VASH2: variants seen among roughly 807,000 people sequenced by gnomAD.
The protein encoded by VASH2 is vasohibin 2.
VASH2 carries 28 observed loss-of-function variants against 37.2 expected under a neutral mutation model. That is an observed-to-expected ratio of 0.75 (90% CI 0.56 to 1.03). VASH2 has a LOEUF of 1.03. VASH2 is among the 50% of genes least tolerant of loss of function. The pLI is 0.00. For synonymous variants in VASH2, 188 were observed against 174.7 expected (o/e 1.08, Z -0.60); for missense variants, 419 against 459.1 (o/e 0.91, Z 0.80).
At position 212,984,001 on chromosome 1, in the gene VASH2, G is replaced by C. The variant is rs541798350; in HGVS notation, c.996-4511G>C. 2.6e-5 allele frequency among the ~76,000 whole-genome samples: 4 copies of C among 152,292 alleles called. No homozygotes were observed. The East Asian group carries it at 7.7e-4, about 29-fold the overall frequency. On this transcript the variant is annotated intron_variant, in intron 7 of 7. Transcript: ENST00000517399. ...CTCCTCTATAAAATGGACAGTACCA[G>C]TATCAACCCCGTGGGTTATGGTGAG...
Position 212,991,249 on chromosome 1 carries a change from T to C in VASH2, c.*2665T>C, listed in dbSNP as rs1187731736. The C allele has an allele frequency of 6.6e-6, 1 of 152,236 alleles. No homozygotes were observed. The highest frequency in any genetic ancestry group is 1.5e-5 in the Non-Finnish European group (1 of 68,040). 9.4% of individuals were successfully genotyped at this position (152,236 alleles called of 1,614,324 possible). ...TTCATAAGGATTTTATTAATAGATA[T>C]TGGTAAATAGAACTTTGGAAATCTT... On this transcript the variant is annotated 3_prime_UTR_variant, in exon 8 of 8. Coordinates refer to ENST00000517399, the MANE Select transcript of VASH2 (RefSeq NM_001301056.2).
intron 2 of VASH2, among the ~76,000 whole-genome samples, chr1:212,954,586 A>AT (rs1427417473): frequency 1.3e-5 from 2 of 151,912 alleles, no homozygotes; most frequent in African/African-American, 4.8e-5. Context: ...ATGCCCAGCT[A>AT]TTTTTTGTAT....
chr1:212,961,082 G>A (rs1666660139), intron 2 of VASH2, 84 bp from the exon 3 acceptor site: 1 of 1,327,772 alleles, frequency 7.5e-7, no homozygotes, highest in Non-Finnish European at 1.1e-6. Context: ...TCTCTCTGGT[G>A]GCTTTAGCCC....
intron 7 of VASH2, among the ~76,000 whole-genome samples, chr1:212,987,621 T>C (rs1446654164): frequency 6.6e-6 from 1 of 152,206 alleles, no homozygotes; most frequent in Non-Finnish European, 1.5e-5. Context: ...ATGTGTAACC[T>C]AAACATGTCT....
At position 212,973,967 on chromosome 1, in the gene VASH2, G is replaced by C. The variant is rs1338221147; in HGVS notation, c.892G>C (p.Ala298Pro). ...RDMRMKILKP[A>P]SAHSPTQVRS... ...ACATCTCCTTCAGATCCTGAAACCT[G>C]CAAGTGCCCACTCTCCGACCCAAGT... is the stretch of plus-strand genomic sequence containing the variant. Residue 298 changes from alanine (A) to proline (P), a missense_variant, in exon 7 of 8, where the codon GCA becomes CCA. Around this residue, in one of 3 missense-constraint regions of VASH2, gnomAD observed 177 missense variants for 166.2 expected, o/e 1.06. Coordinates refer to ENST00000517399, the MANE Select transcript of VASH2 (RefSeq NM_001301056.2). 2.5e-6 allele frequency: 4 copies of C among 1,613,592 alleles called. No homozygotes were observed.
In VASH2 at chr1:212,972,685, T is replaced by C. The variant is rs367552838; in HGVS notation, c.603T>C (p.Asn201=). 1 of 1,614,114 alleles carries C rather than the reference T, an allele frequency of 6.2e-7. No homozygotes were observed. The highest frequency in any genetic ancestry group is 8.5e-7 in the Non-Finnish European group (1 of 1,180,052). Residue 201 remains asparagine (N), a synonymous_variant, in exon 6 of 8, where the codon AAT becomes AAC. Coordinates refer to ENST00000517399, the MANE Select transcript of VASH2 (RefSeq NM_001301056.2). Reference sequence around the variant, plus strand: ...ACGTTGTGCTGGGGATTTACTGCAATGGCCGCTATGGCTCATTGGGCATGA... The same window carrying C: ...ACGTTGTGCTGGGGATTTACTGCAACGGCCGCTATGGCTCATTGGGCATGA... ...FHHVVLGIYC[N]GRYGSLGMSR...
In VASH2 at chr1:212,954,763, A is replaced by G. The variant is rs374692327; in HGVS notation, c.276+2945A>G. Among the ~76,000 whole-genome samples, 8 of 152,190 alleles carry G rather than the reference A, an allele frequency of 5.3e-5. No homozygotes were observed. The East Asian group carries it at 9.6e-4, about 18-fold the overall frequency. ...GTGGCCACATCATATTGTACTTTTC[A>G]TAGTAACTAGAAGGTTACGCGAAAA... On this transcript the variant is annotated intron_variant, in intron 2 of 7. Coordinates refer to ENST00000517399, the MANE Select transcript of VASH2 (RefSeq NM_001301056.2).
Position 212,972,305 on chromosome 1 carries a change from T to TA in VASH2, c.498-274dup, listed in dbSNP as rs1303399020. The stretch of plus-strand genomic sequence containing the variant: ...AGGAGCAGAGGAAAAAGTGCCTTGT[T>TA]ATTGTTTTGTTTTGCATGTATGTAA... On this transcript the variant is annotated intron_variant, in intron 5 of 7. Coordinates refer to ENST00000517399, the MANE Select transcript of VASH2 (RefSeq NM_001301056.2). Among the ~76,000 whole-genome samples, 6 of 152,202 alleles carry TA rather than the reference T, an allele frequency of 3.9e-5. No individual in the cohort carries two copies. The East Asian group carries it at 1.2e-3, about 29-fold the overall frequency.
chr1:212,988,517 C>T lies in VASH2; in HGVS notation c.1001C>T (p.Ala334Val), dbSNP rs745819910. 6 of 1,614,086 alleles carry T rather than the reference C, an allele frequency of 3.7e-6. No individual in the cohort carries two copies. Among genetic ancestry groups the T allele is most frequent in the Non-Finnish European group, 4.2e-6 (5 of 1,179,990 alleles). ...TTTCTGTCTTTTACCCTTAGGCCTG[C>T]ACTGCCTGAAAAGAAGGTGGCTGAT... ...RRLGRREKSP[A>V]LPEKKVADLS... Residue 334 changes from alanine (A) to valine (V), a missense_variant, in exon 8 of 8, where the codon GCA (alanine) becomes GTA (valine). Ala to Val is a moderately conservative substitution (Grantham distance 64, BLOSUM62 0). Around this residue, in one of 3 missense-constraint regions of VASH2, gnomAD observed 177 missense variants for 166.2 expected, o/e 1.06. Coordinates refer to ENST00000517399, the MANE Select transcript of VASH2 (RefSeq NM_001301056.2).
rs573273182 is a variant in VASH2, at chr1:212,969,911, T to A, written c.498-2669T>A. Among the ~76,000 whole-genome samples the A allele has an allele frequency of 2.6e-5, 4 of 152,314 alleles. 1 individual carries two copies. Among genetic ancestry groups the A allele is most frequent in the Admixed American group, 6.5e-5 (1 of 15,300 alleles). ...TCTTTTTTTGACTTTGGCCCAGAGT[T>A]CAGGATTCATTAGTTCTGAGCCACT... On this transcript the variant is annotated intron_variant, in intron 5 of 7. Transcript: ENST00000517399.
chr1:212,987,266 T>G (rs1667506929), intron 7 of VASH2, among the ~76,000 whole-genome samples: 1 of 151,998 alleles, frequency 6.6e-6, no homozygotes, highest in Admixed American at 6.6e-5. Flanking sequence ...GTCTTTTTTT[T>G]TTTTTTTAAT....
At position 212,960,859 on chromosome 1, in the gene VASH2, G is replaced by T. The variant is rs555231533; in HGVS notation, c.277-307G>T. On this transcript the variant is annotated intron_variant, in intron 2 of 7. Transcript: ENST00000517399. ...GGGACATGATAGAACATAGTCCTTC[G>T]CATCAAGGAGGCATTAGCCTTCTGC... Among the ~76,000 whole-genome samples, 11 of 152,318 alleles carry T rather than the reference G, an allele frequency of 7.2e-5. No individual in the cohort carries two copies. The East Asian group carries it at 2.1e-3, about 29-fold the overall frequency.
At position 212,951,578 on chromosome 1, in the gene VASH2, C is replaced by T; in HGVS notation, c.36C>T (p.Pro12=). 1 of 1,542,538 alleles carries T rather than the reference C, an allele frequency of 6.5e-7. No homozygotes were observed. Among genetic ancestry groups the T allele is most frequent in the Non-Finnish European group, 8.7e-7 (1 of 1,143,966 alleles). Residue 12 remains proline, a synonymous_variant, in exon 2 of 8, where the codon CCC becomes CCT. Coordinates refer to ENST00000517399, the MANE Select transcript of VASH2 (RefSeq NM_001301056.2). This position sits in a 1 kb window ranked among gnomAD's most constrained non-coding sequence, Gnocchi z 4.4. The stretch of plus-strand genomic sequence containing the variant: ...CCGCGGCCGACACTCACCGCTGCCC[C>T]CACCCCAAAGGCGCCAAAGGCACCC... ...TGSAADTHRC[P]HPKGAKGTRS... is the part of the protein sequence containing the mutation.
intron 5 of VASH2, among the ~76,000 whole-genome samples, chr1:212,972,143 C>G (rs191244418): frequency 7.9e-5 from 12 of 152,278 alleles, no homozygotes; most frequent in African/African-American, 2.9e-4. Context: ...AAAGCCTTTA[C>G]CAATTGACTT....
intron 7 of VASH2, among the ~76,000 whole-genome samples, chr1:212,983,160 C>A (rs1337997594): frequency 1.3e-5 from 2 of 152,172 alleles, no homozygotes; most frequent in Non-Finnish European, 2.9e-5. Context: ...TTCCCTGGTC[C>A]CTCCTTTCAA....
rs57434622 is a variant in VASH2, at chr1:212,966,219, G to A, written c.423-52G>A. The A allele has an allele frequency of 1.5e-3, 2,174 of 1,473,066 alleles. 23 individuals are homozygous for A. The African/African-American group carries it at 0.023, about 16-fold the overall frequency. The allele number at this position is 1,473,066 out of a possible 1,614,324, so 91.2% of individuals were successfully genotyped here. On this transcript the variant is annotated intron_variant, in intron 4 of 7. Coordinates refer to ENST00000517399, the MANE Select transcript of VASH2 (RefSeq NM_001301056.2). ...ATGCTGATGGATTGACAGACTGACCGAGTGTGTAATTAAATAGGTTCTGAG... is the reference window on the plus strand; with the variant it reads ...ATGCTGATGGATTGACAGACTGACCAAGTGTGTAATTAAATAGGTTCTGAG...
intron 3 of VASH2, among the ~76,000 whole-genome samples, chr1:212,964,756 A>G (rs1157247156): frequency 6.6e-6 from 1 of 151,728 alleles, no homozygotes; most frequent in Non-Finnish European, 1.5e-5. Flanking sequence ...CTAACAATCC[A>G]CCCTTTCATC....
intron 7 of VASH2, among the ~76,000 whole-genome samples, chr1:212,984,275 A>C (rs1167412681): frequency 6.6e-6 from 1 of 152,214 alleles, no homozygotes; most frequent in Non-Finnish European, 1.5e-5. Context: ...CACACAAACT[A>C]CAAAAAATTT....
At chr1:212,972,463 G>T (rs1166409326) in intron 5 of VASH2, 117 bp from the exon 6 acceptor site, 1 of 1,256,908 alleles carries the variant, frequency 8.0e-7, no homozygotes, top group African/African-American at 1.5e-5. Flanking sequence ...TTAGATGTGG[G>T]CCTGCTCAGA....
Sources: gnomAD v4.1 joint callset for allele counts (sites outside exome capture counted in the v4.1 genomes callset) on GRCh38, gnomAD v4.1.1 for gene constraint, gnomAD v4.1.1 regional missense constraint, Gnocchi (gnomAD v3.1) non-coding constraint, MANE v1.5 for transcripts, NCBI Gene and HGNC (gene_info 2026-07-23, HGNC 2026-07-21) for gene names.